Variants in STK39 observed in about 807,000 individuals in gnomAD.
The protein encoded by STK39 is serine/threonine kinase 39, also known as STE20/SPS1-related proline-alanine-rich protein kinase.
Under a neutral mutation model 77.8 loss-of-function variants are expected in STK39, and 20 were observed. The observed-to-expected ratio is 0.26, with a 90% CI of 0.18 to 0.37. The LOEUF is 0.37. Among genes scored for constraint, STK39 ranks in the 10% least tolerant of loss-of-function variants. The pLI is 1.00. For missense variants in STK39, 479 were observed against 656.5 expected, an observed-to-expected ratio of 0.73 and a Z score of 2.95; for synonymous variants, 246 against 234.1, an observed-to-expected ratio of 1.05 and a Z score of -0.47.
intron 7 of STK39, among the ~76,000 whole-genome samples, chr2:168,139,497 T>C (rs1012420470): frequency 6.6e-6 from 1 of 151,776 alleles, no homozygotes; most frequent in Non-Finnish European, 1.5e-5. Flanking sequence ...ATGATTGTTT[T>C]TCTTCTTTAG....
intron 10 of STK39, among the ~76,000 whole-genome samples, chr2:168,092,543 T>A (rs551171066): frequency 1.3e-5 from 2 of 152,344 alleles, no homozygotes; most frequent in Non-Finnish European, 2.9e-5. Context: ...TAGCTGTATA[T>A]GTATATTCTC....
intron 10 of STK39, among the ~76,000 whole-genome samples, chr2:168,115,882 G>A (rs113079520): frequency 0.016 from 2,411 of 152,270 alleles, 75 homozygotes; most frequent in African/African-American, 0.055. Flanking sequence ...GCTGAAGAGC[G>A]AAGAAGGGAC....
rs1167850307 is a variant in STK39 at position 168,087,460 on chromosome 2, T to C, written c.1090-12229A>G. On this transcript the variant is annotated intron_variant, in intron 10 of 17. Coordinates refer to ENST00000355999, the MANE Select transcript of STK39 (RefSeq NM_013233.3). ...ATAATTGACTTTAAGTAAAGGGAAATTATCCTTGATAATCTGGGTGGGCCT... is the reference window on the plus strand; with the variant it reads ...ATAATTGACTTTAAGTAAAGGGAAACTATCCTTGATAATCTGGGTGGGCCT... Among the ~76,000 whole-genome samples the C allele has an allele frequency of 2.0e-5, 3 of 152,210 alleles. No individual in the cohort carries two copies. In the East Asian group the frequency reaches 5.8e-4, roughly 29 times the overall value.
chr2:168,175,784 C>A, intron 2 of STK39, among the ~76,000 whole-genome samples: 1 of 152,052 alleles, frequency 6.6e-6, no homozygotes, highest in South Asian at 2.1e-4. Context: ...AAAATAGTTA[C>A]AAAGCTAAGT....
intron 10 of STK39, among the ~76,000 whole-genome samples, chr2:168,086,373 A>G (rs1329504484): frequency 6.6e-6 from 1 of 152,240 alleles, no homozygotes; most frequent in Non-Finnish European, 1.5e-5. Context: ...AAATTTACCA[A>G]GAGGAAAAAT....
At chr2:168,109,724 A>G (rs904606566) in intron 10 of STK39, among the ~76,000 whole-genome samples, 1 of 152,220 alleles carries the variant, frequency 6.6e-6, no homozygotes, top group Non-Finnish European at 1.5e-5. Flanking sequence ...TGACCAAAAT[A>G]TGGTATTACC....
At chr2:168,082,800 C>T (rs1277572726) in intron 10 of STK39, among the ~76,000 whole-genome samples, 1 of 152,138 alleles carries the variant, frequency 6.6e-6, no homozygotes, top group Non-Finnish European at 1.5e-5. Context: ...ATATAAACAC[C>T]TTATCTGTTT....
At chr2:168,153,503 C>G (rs1189049198) in intron 5 of STK39, among the ~76,000 whole-genome samples, 1 of 152,066 alleles carries the variant, frequency 6.6e-6, no homozygotes, top group East Asian at 1.9e-4. Context: ...TAGGAGAACA[C>G]AAGAGTTTGC....
At chr2:168,098,995 G>A (rs1686748033) in intron 10 of STK39, among the ~76,000 whole-genome samples, 1 of 152,196 alleles carries the variant, frequency 6.6e-6, no homozygotes, top group Admixed American at 6.5e-5. Context: ...TACACTGTAA[G>A]GAGGAGAGAT....
chr2:168,131,331 A>G (rs1687691444), intron 8 of STK39, among the ~76,000 whole-genome samples: 1 of 152,166 alleles, frequency 6.6e-6, no homozygotes, highest in South Asian at 2.1e-4. Context: ...ATTGAATATC[A>G]TTAGGTATTA....
chr2:168,121,589 G>A (rs1382495904), intron 10 of STK39, among the ~76,000 whole-genome samples: 1 of 152,098 alleles, frequency 6.6e-6, no homozygotes, highest in Non-Finnish European at 1.5e-5. Context: ...GCATCCATAG[G>A]CTTTTCCTCC....
intron 16 of STK39, among the ~76,000 whole-genome samples, chr2:168,008,424 C>G (rs1399607270): frequency 6.6e-6 from 1 of 152,070 alleles, no homozygotes; most frequent in Non-Finnish European, 1.5e-5. Context: ...GGAGATGATG[C>G]CTATGAAGAG....
chr2:168,105,448 T>TC (rs1434811005), intron 10 of STK39, among the ~76,000 whole-genome samples: 1 of 152,176 alleles, frequency 6.6e-6, no homozygotes, highest in Non-Finnish European at 1.5e-5. Context: ...AAAGGCAGGC[T>TC]CCCTTGTTTC....
intron 10 of STK39, among the ~76,000 whole-genome samples, chr2:168,097,807 T>C (rs1420727552): frequency 6.6e-6 from 1 of 152,166 alleles, no homozygotes; most frequent in African/African-American, 2.4e-5. Context: ...ATGCTTGAAT[T>C]TATCCAAGTA....
At chr2:167,997,520 A>G (rs969379561) in intron 16 of STK39, among the ~76,000 whole-genome samples, 1 of 152,124 alleles carries the variant, frequency 6.6e-6, no homozygotes, top group Non-Finnish European at 1.5e-5. Flanking sequence ...TAGGGTAAGG[A>G]AGAAATTGAA....
intron 16 of STK39, among the ~76,000 whole-genome samples, chr2:167,970,553 C>T (rs1191247856): frequency 6.6e-6 from 1 of 152,194 alleles, no homozygotes; most frequent in East Asian, 1.9e-4. Flanking sequence ...AGAACTATTC[C>T]TGTTTTGGAA....
chr2:167,978,075 G>GAGTGCAGGGTCTGCAC (rs1450045906), intron 16 of STK39, among the ~76,000 whole-genome samples: 7 of 152,166 alleles, frequency 4.6e-5, no homozygotes, highest in Admixed American at 4.6e-4. Flanking sequence ...TTTGGGTGAT[G>GAGTGCAGGGTCTGCAC]CCAGCTGGTG....
chr2:167,992,608 G>A (rs998602811), intron 16 of STK39, among the ~76,000 whole-genome samples: 5 of 152,180 alleles, frequency 3.3e-5, no homozygotes, highest in African/African-American at 9.7e-5. Context: ...CTTAAGAACT[G>A]TGTTAAATTA....
chr2:167,988,468 C>G (rs1208465781), intron 16 of STK39, among the ~76,000 whole-genome samples: 1 of 152,092 alleles, frequency 6.6e-6, no homozygotes, highest in Non-Finnish European at 1.5e-5. Context: ...GATCTTAGTG[C>G]CTTTCAGCCA....
Sources: allele counts gnomAD v4.1 joint callset (sites outside exome capture counted in the v4.1 genomes callset), GRCh38; gene constraint gnomAD v4.1.1; transcripts MANE v1.5; gene names NCBI Gene and HGNC (gene_info 2026-07-23, HGNC 2026-07-21).